Variants in FANCA observed in about 807,000 individuals in gnomAD.
FANCA encodes Fanconi anemia group A protein.
FANCA carries 236 observed loss-of-function variants against 194.3 expected under a neutral mutation model. The ratio of observed to expected loss-of-function variants is 1.21; its 90% CI spans 1.09 to 1.35. The LOEUF is 1.35. Among genes scored for constraint, FANCA ranks in the 40% most tolerant of loss-of-function variants. FANCA has a pLI of 0.00. For missense variants in FANCA, 2,628 were observed against 1,813.9 expected (o/e 1.45, Z -8.15); for synonymous variants, 1,014 against 715.8 (o/e 1.42, Z -6.65).
chr16:89,749,424 G>A (rs1292843667), intron 32 of FANCA, among the ~76,000 whole-genome samples: 4 of 152,064 alleles, frequency 2.6e-5, no homozygotes, highest in African/African-American at 7.2e-5. Flanking sequence ...ATGGCGTTTC[G>A]CCATGTTGGT....
At chr16:89,798,852 G>T (rs1008772474) in intron 10 of FANCA, 3 of 1,519,034 alleles carry the variant, frequency 2.0e-6, no homozygotes, top group African/African-American at 1.4e-5. Context: ...AGGGAAGGAG[G>T]AGCAAGGGGA....
At chr16:89,791,835 C>G in intron 13 of FANCA, 92 bp downstream of exon 13, 1 of 1,542,900 alleles carries the variant, frequency 6.5e-7, no homozygotes, top group Non-Finnish European at 8.9e-7. Context: ...AAGGGCTTCA[C>G]TGAGAGGCTC....
Position 89,739,226 on chromosome 16 carries a change from C to T in FANCA, c.4074G>A (p.Val1358=), listed in dbSNP as rs2062057519. The part of the protein sequence containing the change: ...IREEAFLHVA[V]DMYLKLVQLF... The stretch of plus-strand genomic sequence containing the variant: ...GCTGGACCAGCTTCAAGTACATGTC[C>T]ACAGCAACATGCAGGAAGGCCTCTT... The change falls in exon 41 of 43, where the codon GTG becomes GTA. Residue 1358 remains valine (V), a synonymous_variant. Coordinates refer to ENST00000389301, the MANE Select transcript of FANCA (RefSeq NM_000135.4). The T allele has an allele frequency of 2.5e-6, 4 of 1,614,038 alleles. No individual in the cohort carries two copies. The highest frequency in any genetic ancestry group is 2.2e-5 in the South Asian group (2 of 91,092).
chr16:89,759,494 G>A (rs1279629251), intron 29 of FANCA, among the ~76,000 whole-genome samples: 1 of 151,754 alleles, frequency 6.6e-6, no homozygotes, highest in Non-Finnish European at 1.5e-5. Context: ...AACTGCAGTG[G>A]CTACACCTGT....
chr16:89,791,552 G>T lies in FANCA; in HGVS notation c.1226-16C>A, dbSNP rs1046409533. On this transcript the variant is annotated splice_polypyrimidine_tract_variant and intron_variant, in intron 13 of 42. Coordinates refer to ENST00000389301, the MANE Select transcript of FANCA (RefSeq NM_000135.4). ...GCCACCCAGTCTAGTTAAGAACCAT[G>T]ACATAGTCACAGCAAGGCAAGGGCA... 4 of 1,613,832 alleles carry T rather than the reference G, an allele frequency of 2.5e-6. No individual in the cohort carries two copies. Among genetic ancestry groups the T allele is most frequent in the South Asian group, 1.1e-5 (1 of 91,050 alleles).
intron 5 of FANCA, among the ~76,000 whole-genome samples, chr16:89,809,132 T>A (rs2040779964): frequency 6.6e-6 from 1 of 151,882 alleles, no homozygotes; most frequent in African/African-American, 2.4e-5. Flanking sequence ...GGGCTCGATC[T>A]CCTGACCTCA....
At chr16:89,749,393 T>G (rs1163055580) in intron 32 of FANCA, among the ~76,000 whole-genome samples, 1 of 152,178 alleles carries the variant, frequency 6.6e-6, no homozygotes, top group Non-Finnish European at 1.5e-5. Flanking sequence ...TTTTTGTATT[T>G]TTTTTGTATT....
At chr16:89,804,151 G>A (rs141736835) in intron 7 of FANCA, among the ~76,000 whole-genome samples, 11 of 152,282 alleles carry the variant, frequency 7.2e-5, no homozygotes, top group Admixed American at 2.6e-4. Flanking sequence ...CCAGGTTATA[G>A]TAGCTCAGGA....
chr16:89,781,401 C>T (rs1262319063), intron 17 of FANCA, among the ~76,000 whole-genome samples: 2 of 143,064 alleles, frequency 1.4e-5, no homozygotes, highest in Admixed American at 7.2e-5. Context: ...ACGCTGGGCA[C>T]AGTGGCTCAT....
chr16:89,815,443 G>T (rs545507032), intron 2 of FANCA, among the ~76,000 whole-genome samples: 2 of 144,974 alleles, frequency 1.4e-5, no homozygotes, highest in African/African-American at 2.6e-5. Flanking sequence ...TCTGCCTCCC[G>T]GGTCCAGGTT....
At chr16:89,780,749 G>A (rs2039672490) in intron 17 of FANCA, among the ~76,000 whole-genome samples, 1 of 151,894 alleles carries the variant, frequency 6.6e-6, no homozygotes, top group African/African-American at 2.4e-5. Flanking sequence ...GGCCACACAG[G>A]GAGACCCTAT....
At chr16:89,739,652 C>G (rs2062075425) in intron 39 of FANCA, 99 bp from the exon 40 acceptor site, 3 of 1,513,962 alleles carry the variant, frequency 2.0e-6, no homozygotes, top group South Asian at 1.2e-5. Flanking sequence ...CCTGGGAGGC[C>G]TGGCTGTGGG....
chr16:89,782,778 C>A lies in FANCA; in HGVS notation c.1626+81G>T, dbSNP rs1351894545. The A allele has an allele frequency of 2.3e-6, 3 of 1,303,680 alleles. No individual in the cohort carries two copies. In the African/African-American group the frequency reaches 4.4e-5, roughly 19 times the overall value. 80.8% of individuals were successfully genotyped at this position (1,303,680 alleles called of 1,614,324 possible). A position where few individuals can be genotyped will look rare whatever the true frequency, so the allele number is the denominator to read the frequency against. On this transcript the variant is annotated intron_variant, in intron 17 of 42. Transcript: ENST00000389301. ...ATGAGACTGGGAAGGCTGAAAAACT[C>A]AACTCAAGAGTCAAAAGAAACTGGA...
intron 37 of FANCA, among the ~76,000 whole-genome samples, chr16:89,741,097 T>C: frequency 6.6e-6 from 1 of 152,176 alleles, no homozygotes; most frequent in East Asian, 1.9e-4. Flanking sequence ...AGAAACAGTT[T>C]GAAAAAGTGA....
chr16:89,798,638 G>A (rs1382951867), intron 10 of FANCA: 3 of 1,178,122 alleles, frequency 2.5e-6, no homozygotes, highest in Non-Finnish European at 3.2e-6. Context: ...CTCAGCTTCC[G>A]CCTCCCGACC....
chr16:89,811,524 T>C (rs1327774639), intron 3 of FANCA, among the ~76,000 whole-genome samples: 4 of 152,178 alleles, frequency 2.6e-5, no homozygotes, highest in Admixed American at 6.5e-5. Flanking sequence ...CATTCTGCCA[T>C]GCACCTGGTG....
chr16:89,739,156 T>C lies in FANCA; in HGVS notation c.4144A>G (p.Arg1382Gly). 1.9e-6 allele frequency: 3 copies of C among 1,614,164 alleles called. No individual in the cohort carries two copies. Among genetic ancestry groups the C allele is most frequent in the Non-Finnish European group, 2.5e-6 (3 of 1,180,036 alleles). The change falls in exon 41 of 43, where the codon AGG becomes GGG. Residue 1382 changes from arginine to glycine, a missense_variant. Physicochemically the swap from Arg to Gly is moderately radical, Grantham distance 125. Transcript: ENST00000389301. ...DTSTVSPPAG[R>G]SLELKGQGNP... Reference sequence around the variant, plus strand: ...GCCTGACCCTTGAGCTCCAGGCTCCTGCCAGCTGGAGGTGAAACTGTGCTT... The same window carrying C: ...GCCTGACCCTTGAGCTCCAGGCTCCCGCCAGCTGGAGGTGAAACTGTGCTT...
intron 33 of FANCA, 88 bp from the exon 34 acceptor site, chr16:89,746,978 G>C (rs2143110558): frequency 2.4e-6 from 3 of 1,257,568 alleles, no homozygotes; most frequent in South Asian, 1.3e-5. Flanking sequence ...ATTCAGTTTT[G>C]AGAAAAACAC....
intron 14 of FANCA, among the ~76,000 whole-genome samples, chr16:89,786,641 T>A (rs1453643991): frequency 1.3e-5 from 2 of 151,906 alleles, no homozygotes; most frequent in Admixed American, 1.3e-4. Context: ...TTGAATGTTA[T>A]CATCATGCAG....
Sources: gnomAD v4.1 joint callset for allele counts (sites outside exome capture counted in the v4.1 genomes callset) on GRCh38, gnomAD v4.1.1 for gene constraint, MANE v1.5 for transcripts, NCBI Gene and HGNC (gene_info 2026-07-23, HGNC 2026-07-21) for gene names.